The following UBAP2 variants were observed in gnomAD, a reference collection of about 807,000 sequenced individuals.
The protein encoded by UBAP2 is ubiquitin associated protein 2.
Under a neutral mutation model 139.6 loss-of-function variants are expected in UBAP2, and 75 were observed. The observed-to-expected ratio is 0.54, with a 90% CI of 0.45 to 0.65. UBAP2 has a LOEUF of 0.65. UBAP2 is among the 30% of genes least tolerant of loss of function. UBAP2 has a pLI of 0.00. For synonymous variants in UBAP2, 526 were observed against 526.2 expected (o/e 1.00, Z 0.01); for missense variants, 1,368 against 1,369.6 (o/e 1.00, Z 0.02).
chr9:33,959,519 T>C (rs1826853530), intron 10 of UBAP2, among the ~76,000 whole-genome samples: 1 of 152,228 alleles, frequency 6.6e-6, no homozygotes, highest in Admixed American at 6.5e-5. Context: ...TCAAGAGTTC[T>C]AGAACTTGAC....
At position 33,974,109 on chromosome 9, in the gene UBAP2, G is replaced by A. The variant is rs193226421; in HGVS notation, c.521-872C>T. Among the ~76,000 whole-genome samples the A allele has an allele frequency of 1.6e-3, 240 of 152,282 alleles. 1 individual carries two copies. Among genetic ancestry groups the A allele is most frequent in the Non-Finnish European group, 2.9e-3 (196 of 68,028 alleles). On this transcript the variant is annotated intron_variant, in intron 6 of 28. Coordinates refer to ENST00000379238, the MANE Select transcript of UBAP2 (RefSeq NM_001370062.2). Reference sequence around the variant, plus strand: ...GACAGGCTGAAGCAGGAGGATCCATGAGCCCAGGAGTTGGAGGTTGCAGTG... The same window carrying A: ...GACAGGCTGAAGCAGGAGGATCCATAAGCCCAGGAGTTGGAGGTTGCAGTG...
At chr9:33,980,162 T>C (rs548145097) in intron 6 of UBAP2, among the ~76,000 whole-genome samples, 3 of 150,842 alleles carry the variant, frequency 2.0e-5, no homozygotes, top group East Asian at 3.9e-4. Flanking sequence ...AATTCCGCTT[T>C]AATCCAAATC....
At chr9:33,956,727 C>T (rs1027538596) in intron 10 of UBAP2, among the ~76,000 whole-genome samples, 8 of 152,120 alleles carry the variant, frequency 5.3e-5, no homozygotes, top group African/African-American at 1.9e-4. Flanking sequence ...AACACTCAAA[C>T]CAGGGCTCAA....
intron 1 of UBAP2, among the ~76,000 whole-genome samples, chr9:34,021,794 C>T (rs887833032): frequency 4.6e-5 from 7 of 152,002 alleles, no homozygotes; most frequent in South Asian, 2.1e-4. Flanking sequence ...CCACCACGCC[C>T]GACTAATTTT....
At chr9:34,009,305 G>A (rs1200172170) in intron 2 of UBAP2, among the ~76,000 whole-genome samples, 2 of 151,936 alleles carry the variant, frequency 1.3e-5, no homozygotes, top group Non-Finnish European at 2.9e-5. Context: ...TGTAATGTTG[G>A]CCAGGCTGGT....
Position 33,996,307 on chromosome 9 carries a change from C to T in UBAP2, c.204G>A (p.Gln68=). 1.2e-6 allele frequency: 2 copies of T among 1,613,526 alleles called. No homozygotes were observed. The highest frequency in any genetic ancestry group is 1.7e-6 in the Non-Finnish European group (2 of 1,179,900). ...KQLMEVTGKN[Q]DECIVALHDC... is the part of the protein sequence containing the mutation. The stretch of plus-strand genomic sequence containing the variant: ...CATGTAGGGCCACTATGCATTCATC[C>T]TGATTTTTCCCTGTCACTTCCATAA... Residue 68 remains glutamine, a synonymous_variant, in exon 4 of 29, where the codon CAG becomes CAA. Coordinates refer to ENST00000379238, the MANE Select transcript of UBAP2 (RefSeq NM_001370062.2).
At chr9:34,048,289 C>G (rs1827791192) in intron 1 of UBAP2, among the ~76,000 whole-genome samples, 1 of 152,150 alleles carries the variant, frequency 6.6e-6, no homozygotes, top group Non-Finnish European at 1.5e-5. Context: ...AAAACTGAGT[C>G]CCAATTGAGA....
chr9:33,989,204 T>A (rs1251562781), intron 4 of UBAP2, 78 bp from the exon 5 acceptor site: 28 of 58,198 alleles, frequency 4.8e-4, no homozygotes, highest in South Asian at 9.2e-4. Context: ...TGTATCTTTC[T>A]TTTTTTTTTT....
intron 6 of UBAP2, among the ~76,000 whole-genome samples, chr9:33,976,739 G>A (rs1329444884): frequency 1.3e-5 from 2 of 152,102 alleles, no homozygotes; most frequent in Non-Finnish European, 2.9e-5. Context: ...GCTCGTGGCT[G>A]TAATCCTAGC....
chr9:34,048,663 C>A (rs543012345), intron 1 of UBAP2, among the ~76,000 whole-genome samples, 162 bp downstream of exon 1: 1 of 152,112 alleles, frequency 6.6e-6, no homozygotes, highest in South Asian at 2.1e-4. Flanking sequence ...GTAGAGGGAC[C>A]GTGGACCTGG....
intron 15 of UBAP2, 53 bp downstream of exon 15, chr9:33,943,367 T>G: frequency 1.3e-6 from 2 of 1,557,602 alleles, no homozygotes; most frequent in Non-Finnish European, 1.8e-6. Flanking sequence ...TTTCCACCAG[T>G]TGATCTCTCT....
intron 4 of UBAP2, among the ~76,000 whole-genome samples, chr9:33,990,854 C>T (rs1821651585): frequency 1.3e-5 from 2 of 151,964 alleles, no homozygotes; most frequent in South Asian, 4.2e-4. Flanking sequence ...CCAGGGTGCT[C>T]TCGAACTCCT....
intron 1 of UBAP2, among the ~76,000 whole-genome samples, chr9:34,035,797 C>T (rs1396958366): frequency 2.0e-5 from 3 of 151,998 alleles, no homozygotes; most frequent in African/African-American, 7.2e-5. Context: ...AATCCCTACA[C>T]TTGGTCAAAC....
chr9:33,962,350 T>G lies in UBAP2; in HGVS notation c.745+1376A>C, dbSNP rs117810673. Among the ~76,000 whole-genome samples, 460 of 152,260 alleles carry G rather than the reference T, an allele frequency of 3.0e-3. 2 individuals carry two copies. Among genetic ancestry groups the G allele is most frequent in the Middle Eastern group, 6.8e-3 (2 of 294 alleles). On this transcript the variant is annotated intron_variant, in intron 9 of 28. Transcript: ENST00000379238. Reference sequence around the variant, plus strand: ...CTACCATGGCAATTCAGGAGACATATTAAAAGTTTAAAAAAGGCTGGGCAT... The same window carrying G: ...CTACCATGGCAATTCAGGAGACATAGTAAAAGTTTAAAAAAGGCTGGGCAT...
intron 1 of UBAP2, among the ~76,000 whole-genome samples, chr9:34,025,181 T>C (rs1286659410): frequency 6.6e-6 from 1 of 152,176 alleles, no homozygotes; most frequent in Non-Finnish European, 1.5e-5. Flanking sequence ...TGTCCTCCTT[T>C]TCTGGGAAAT....
chr9:33,965,151 C>T (rs1827349577), intron 8 of UBAP2, among the ~76,000 whole-genome samples: 1 of 152,174 alleles, frequency 6.6e-6, no homozygotes, highest in African/African-American at 2.4e-5. Flanking sequence ...CGTGTTAAAA[C>T]AGAAAATTTA....
chr9:34,036,985 T>A (rs1260425461), intron 1 of UBAP2, among the ~76,000 whole-genome samples: 1 of 62,088 alleles, frequency 1.6e-5, no homozygotes, highest in Admixed American at 1.6e-4. Context: ...CCCAGCTATT[T>A]TTTTTTTTTT....
At chr9:34,035,514 A>AATATATATATATATATATATATATATAT (rs1554692782) in intron 1 of UBAP2, among the ~76,000 whole-genome samples, 3 of 22,420 alleles carry the variant, frequency 1.3e-4, no homozygotes, top group African/African-American at 3.8e-4. Context: ...AAAAAAAAAA[A>AATATATATATATATATATATATATATAT]ATATATATAT....
chr9:33,966,293 C>CAA (rs776047582), intron 8 of UBAP2, among the ~76,000 whole-genome samples: 2 of 116,256 alleles, frequency 1.7e-5, no homozygotes, highest in African/African-American at 3.2e-5. Flanking sequence ...ACTAAAACTA[C>CAA]AAAAAAAAAA....
Sources: gnomAD v4.1 joint callset for allele counts (sites outside exome capture counted in the v4.1 genomes callset) on GRCh38, gnomAD v4.1.1 for gene constraint, MANE v1.5 for transcripts, NCBI Gene and HGNC (gene_info 2026-07-23, HGNC 2026-07-21) for gene names.